The following MYO6 variants were observed in gnomAD, a reference collection of about 807,000 sequenced individuals.
The protein encoded by MYO6 is unconventional myosin-VI.
A neutral mutation model predicts 178.7 loss-of-function variants in MYO6; 74 were observed. That is an observed-to-expected ratio of 0.41 (90% confidence interval 0.34 to 0.50). MYO6 has a LOEUF of 0.50. Ranked by LOEUF, MYO6 falls within the 20% of genes least tolerant of loss-of-function variation. The probability of loss-of-function intolerance (pLI) is 0.09; values close to 1 mark genes in which losing one functional copy is unlikely to be tolerated. For synonymous variants in MYO6, 477 were observed against 504.6 expected (o/e 0.95, Z 0.73); for missense variants, 1,330 against 1,547.4 (o/e 0.86, Z 2.36).
chr6:75,793,340 C>T (rs960249477), intron 1 of MYO6, among the ~76,000 whole-genome samples: 3 of 152,112 alleles, frequency 2.0e-5, no homozygotes, highest in African/African-American at 7.2e-5. Context: ...TGTGGTGGCT[C>T]ACGCTTGTAA....
chr6:75,898,448 C>A, intron 30 of MYO6, 37 bp downstream of exon 30: 1 of 1,540,502 alleles, frequency 6.5e-7, no homozygotes, highest in Non-Finnish European at 9.0e-7. Context: ...AAGTGTTCAC[C>A]TCAAAATCAT....
intron 1 of MYO6, among the ~76,000 whole-genome samples, chr6:75,792,982 A>T (rs568306316): frequency 5.9e-5 from 9 of 151,904 alleles, no homozygotes; most frequent in Non-Finnish European, 8.8e-5. Context: ...TGTAGAGACA[A>T]GATCTCGTCA....
At chr6:75,774,918 C>T (rs150221464) in intron 1 of MYO6, among the ~76,000 whole-genome samples, 5 of 152,024 alleles carry the variant, frequency 3.3e-5, no homozygotes, top group South Asian at 2.1e-4. Context: ...CTCAGCCTCC[C>T]GAGTAGCTGG....
intron 1 of MYO6, among the ~76,000 whole-genome samples, chr6:75,778,041 A>T (rs1002538475): frequency 6.6e-6 from 1 of 152,116 alleles, no homozygotes; most frequent in Non-Finnish European, 1.5e-5. Context: ...TAATTTAAAA[A>T]TTGAAACAGA....
At chr6:75,756,947 ATGTGTATATATGTATACACACATATATAG>A (rs57884223) in intron 1 of MYO6, among the ~76,000 whole-genome samples, 41,145 of 81,208 alleles carry the variant, frequency 0.51, 16,794 homozygotes, top group Non-Finnish European at 0.63. Flanking sequence ...GTGTGTATAT[ATGTGTATATATGTATACACACATATATAG>A]TGTGTATATA....
chr6:75,866,866 C>T, intron 17 of MYO6, 66 bp from the exon 18 acceptor site: 1 of 1,531,910 alleles, frequency 6.5e-7, no homozygotes, highest in Non-Finnish European at 9.0e-7. Context: ...TTCCTTTGGA[C>T]AGAGCCATGT....
intron 23 of MYO6, among the ~76,000 whole-genome samples, chr6:75,883,153 A>C (rs2149350932): frequency 6.6e-6 from 1 of 152,310 alleles, no homozygotes; most frequent in East Asian, 1.9e-4. Flanking sequence ...ATTTGCAAAA[A>C]ATGAATACAG....
intron 20 of MYO6, among the ~76,000 whole-genome samples, chr6:75,878,977 C>A (rs541103996): frequency 6.6e-6 from 1 of 152,242 alleles, no homozygotes; most frequent in South Asian, 2.1e-4. Context: ...ACTAATCATC[C>A]CAGTAGTCTA....
intron 1 of MYO6, among the ~76,000 whole-genome samples, chr6:75,781,230 A>G (rs1032177192): frequency 1.3e-5 from 2 of 152,232 alleles, no homozygotes; most frequent in Non-Finnish European, 2.9e-5. Flanking sequence ...TGTAAAGTTA[A>G]AAGTAGGTTC....
chr6:75,893,156 G>A (rs1271076909), intron 28 of MYO6, among the ~76,000 whole-genome samples: 4 of 152,080 alleles, frequency 2.6e-5, no homozygotes, highest in Non-Finnish European at 2.9e-5. Flanking sequence ...ACTCTGCAAT[G>A]CCTCAGAATA....
chr6:75,805,002 C>CACACATATAT (rs1554199386), intron 1 of MYO6, among the ~76,000 whole-genome samples: 1 of 63,980 alleles, frequency 1.6e-5, no homozygotes, highest in Non-Finnish European at 2.7e-5. Flanking sequence ...TACACACACA[C>CACACATATAT]ATATATATAT....
At chr6:75,802,113 T>G (rs1384361983) in intron 1 of MYO6, among the ~76,000 whole-genome samples, 2 of 152,166 alleles carry the variant, frequency 1.3e-5, no homozygotes, top group Non-Finnish European at 1.5e-5. Context: ...GGGAGTCATT[T>G]AAATGCAATA....
At chr6:75,903,671 C>T (rs926262454) in intron 30 of MYO6, among the ~76,000 whole-genome samples, 2 of 151,956 alleles carry the variant, frequency 1.3e-5, no homozygotes. Context: ...TGGGTCTTGA[C>T]TCTTTATCCA....
chr6:75,837,367 GTAAA>G (rs1773746995), intron 7 of MYO6, among the ~76,000 whole-genome samples: 2 of 152,172 alleles, frequency 1.3e-5, no homozygotes, highest in Non-Finnish European at 2.9e-5. Flanking sequence ...ACATGCCGTA[GTAAA>G]TGCATATTTT....
At chr6:75,824,890 G>C (rs13198260) in intron 3 of MYO6, among the ~76,000 whole-genome samples, 1 of 151,808 alleles carries the variant, frequency 6.6e-6, no homozygotes, top group African/African-American at 2.4e-5. Flanking sequence ...CTTCTGAGTA[G>C]CTGTGACTAC....
In MYO6 at chr6:75,894,915, C is replaced by G. The variant is rs1368661531; in HGVS notation, c.3108-316C>G. Reference sequence around the variant, plus strand: ...TCAATTACACATATGATTCTTGATGCAAAGAGATGGTTTCAAATTACCTAA... The same window carrying G: ...TCAATTACACATATGATTCTTGATGGAAAGAGATGGTTTCAAATTACCTAA... On this transcript the variant is annotated intron_variant, in intron 28 of 34. Transcript: ENST00000369977. 3 of 1,002,576 alleles carry G rather than the reference C, an allele frequency of 3.0e-6. No homozygotes were observed. The Admixed American group carries it at 9.0e-5, about 30-fold the overall frequency. The allele number at this position is 1,002,576 out of a possible 1,614,324, so 62.1% of individuals were successfully genotyped here.
chr6:75,766,156 C>T (rs1442689714), intron 1 of MYO6, among the ~76,000 whole-genome samples: 1 of 152,158 alleles, frequency 6.6e-6, no homozygotes, highest in Non-Finnish European at 1.5e-5. Flanking sequence ...AACCCCGTCT[C>T]TACTAAGAAT....
intron 32 of MYO6, 125 bp downstream of exon 32, chr6:75,908,752 G>A: frequency 1.0e-6 from 1 of 977,588 alleles, no homozygotes; most frequent in Non-Finnish European, 1.6e-6. Flanking sequence ...GTGAGCCATT[G>A]AACCTAATAC....
At chr6:75,817,432 A>T in intron 1 of MYO6, 69 bp from the exon 2 acceptor site, 1 of 876,976 alleles carries the variant, frequency 1.1e-6, no homozygotes, top group Admixed American at 1.8e-5. Flanking sequence ...CTTTTGAAAA[A>T]GATACATTAT....
Sources: gnomAD v4.1 joint callset for allele counts (sites outside exome capture counted in the v4.1 genomes callset) on GRCh38, gnomAD v4.1.1 for gene constraint, MANE v1.5 for transcripts, NCBI Gene and HGNC (gene_info 2026-07-23, HGNC 2026-07-21) for gene names.